The following PTPRK variants were observed in gnomAD, a reference collection of about 807,000 sequenced individuals.
PTPRK encodes the protein receptor-type tyrosine-protein phosphatase kappa.
PTPRK carries 75 observed loss-of-function variants against 178.0 expected under a neutral mutation model. The observed-to-expected ratio is 0.42, with a 90% CI of 0.35 to 0.51. PTPRK has a LOEUF of 0.51. PTPRK is among the 20% of genes least tolerant of loss of function. The pLI, the probability that PTPRK is intolerant of heterozygous loss-of-function variation, is 0.02. For missense variants in PTPRK, 1,441 were observed against 1,797.8 expected (o/e 0.80, Z 3.59); for synonymous variants, 637 against 620.6 (o/e 1.03, Z -0.39).
intron 2 of PTPRK, among the ~76,000 whole-genome samples, chr6:128,355,295 C>T (rs1015108716): frequency 2.0e-5 from 3 of 152,012 alleles, no homozygotes; most frequent in Non-Finnish European, 2.9e-5. Context: ...TATCAAATTA[C>T]CAAAAAATAA....
At position 128,485,756 on chromosome 6, in the gene PTPRK, C is replaced by G. The variant is rs141862029; in HGVS notation, c.100+34503G>C. Among the ~76,000 whole-genome samples the G allele has an allele frequency of 4.4e-3, 668 of 152,178 alleles. 2 individuals are homozygous for G. Among genetic ancestry groups the G allele is most frequent in the Non-Finnish European group, 8.1e-3 (551 of 68,016 alleles). ...GGAGAAGAGGGATGTTGACAAGTTC[C>G]AAGAATAAACAGAATGGAGCTTCTG... On this transcript the variant is annotated intron_variant, in intron 1 of 29. Coordinates refer to ENST00000368226, the MANE Select transcript of PTPRK (RefSeq NM_002844.4).
chr6:128,268,783 G>A (rs926683944), intron 3 of PTPRK, among the ~76,000 whole-genome samples: 2 of 151,890 alleles, frequency 1.3e-5, no homozygotes, highest in Non-Finnish European at 2.9e-5. Flanking sequence ...GCCATCTAAA[G>A]TAAAATACTT....
At chr6:128,093,441 A>C (rs1271659396) in intron 7 of PTPRK, among the ~76,000 whole-genome samples, 1 of 151,556 alleles carries the variant, frequency 6.6e-6, no homozygotes. Context: ...TAAAAATACA[A>C]AAAATTAGCC....
chr6:128,073,357 C>A (rs1401512258), intron 11 of PTPRK, among the ~76,000 whole-genome samples: 1 of 151,920 alleles, frequency 6.6e-6, no homozygotes, highest in African/African-American at 2.4e-5. Context: ...GGGATAAGTG[C>A]TCTAGAGAAA....
intron 1 of PTPRK, among the ~76,000 whole-genome samples, chr6:128,493,517 G>C (rs187406828): frequency 9.3e-5 from 14 of 150,702 alleles, no homozygotes; most frequent in African/African-American, 2.2e-4. Context: ...AGCCGAGATC[G>C]TGCCACTGCG....
intron 7 of PTPRK, among the ~76,000 whole-genome samples, chr6:128,133,691 T>C (rs1319780659): frequency 6.6e-6 from 1 of 151,342 alleles, no homozygotes; most frequent in African/African-American, 2.4e-5. Context: ...CATAGCTATC[T>C]GAATGAAATA....
At chr6:128,008,041 C>A (rs759356261) in intron 14 of PTPRK, 1 of 1,342,420 alleles carries the variant, frequency 7.4e-7, no homozygotes, top group Non-Finnish European at 1.0e-6. Flanking sequence ...CACTATAATG[C>A]ATACCTAATG....
chr6:128,309,293 T>C (rs576854941), intron 3 of PTPRK, among the ~76,000 whole-genome samples: 35 of 152,152 alleles, frequency 2.3e-4, no homozygotes, highest in Admixed American at 1.1e-3. Context: ...CTTTTCCTAA[T>C]AGGGACATGG....
At chr6:128,040,981 A>C (rs1777065865) in intron 13 of PTPRK, among the ~76,000 whole-genome samples, 1 of 152,098 alleles carries the variant, frequency 6.6e-6, no homozygotes, top group African/African-American at 2.4e-5. Flanking sequence ...TTGGGGTAAA[A>C]TTCATTTTCT....
chr6:128,412,565 C>T (rs745954104), intron 1 of PTPRK, among the ~76,000 whole-genome samples: 14 of 152,168 alleles, frequency 9.2e-5, no homozygotes, highest in Non-Finnish European at 1.9e-4. Flanking sequence ...CAGGTATCAC[C>T]AAGTCGAAAA....
rs1317543723 is a variant in PTPRK, at chr6:128,397,662, C to G, written c.127G>C (p.Gly43Arg). The stretch of plus-strand genomic sequence containing the variant: ...AGATCCTGGTGGTAATCACAGGCCC[C>G]TGGACCATCATCAAAAGTACAGCCA... The part of the protein sequence containing the change: ...AGGCTFDDGP[G>R]ACDYHQDLYD... The change falls in exon 2 of 30, where the codon GGG becomes CGG. Residue 43 changes from glycine (G) to arginine (R), a missense_variant. This residue lies in a region of PTPRK where 158 missense variants were observed against 188.0 expected (regional missense o/e 0.84). Coordinates refer to ENST00000368226, the MANE Select transcript of PTPRK (RefSeq NM_002844.4). 1 of 1,613,260 alleles carries G rather than the reference C, an allele frequency of 6.2e-7. No homozygotes were observed. Among genetic ancestry groups the G allele is most frequent in the African/African-American group, 1.3e-5 (1 of 74,946 alleles).
chr6:128,018,959 T>C (rs151028830), intron 13 of PTPRK, among the ~76,000 whole-genome samples: 1 of 152,202 alleles, frequency 6.6e-6, no homozygotes, highest in East Asian at 1.9e-4. Flanking sequence ...AGAGAGCGTA[T>C]AAACTAGAAG....
At chr6:128,244,742 T>C (rs1202516018) in intron 3 of PTPRK, among the ~76,000 whole-genome samples, 1 of 152,148 alleles carries the variant, frequency 6.6e-6, no homozygotes, top group Non-Finnish European at 1.5e-5. Context: ...TGAAAACCTC[T>C]AGTAGGAGGA....
chr6:128,250,965 T>C (rs575833319), intron 3 of PTPRK, among the ~76,000 whole-genome samples: 1 of 152,152 alleles, frequency 6.6e-6, no homozygotes, highest in Non-Finnish European at 1.5e-5. Flanking sequence ...CAGCAAATAT[T>C]AGAGAAAAGG....
chr6:128,109,910 G>A (rs767874171), intron 7 of PTPRK, among the ~76,000 whole-genome samples: 7 of 151,878 alleles, frequency 4.6e-5, no homozygotes, highest in East Asian at 3.9e-4. Context: ...TACTTTTTTG[G>A]GGGGGGAGGA....
intron 2 of PTPRK, among the ~76,000 whole-genome samples, chr6:128,396,280 T>C (rs1171827337): frequency 6.7e-6 from 1 of 149,482 alleles, no homozygotes; most frequent in Non-Finnish European, 1.5e-5. Context: ...ACCTAAATTA[T>C]TAGTACTAAG....
chr6:128,142,583 TCA>T (rs1361693832), intron 7 of PTPRK, among the ~76,000 whole-genome samples: 1 of 151,212 alleles, frequency 6.6e-6, no homozygotes, highest in Non-Finnish European at 1.5e-5. Context: ...CGTGTGGTTT[TCA>T]CAGACATGTC....
At chr6:128,395,059 T>G (rs1840109792) in intron 2 of PTPRK, among the ~76,000 whole-genome samples, 1 of 152,204 alleles carries the variant, frequency 6.6e-6, no homozygotes, top group South Asian at 2.1e-4. Context: ...CTTGCTAATT[T>G]ATGTGACAAT....
chr6:128,340,231 A>G (rs1298641098), intron 2 of PTPRK, among the ~76,000 whole-genome samples: 1 of 152,206 alleles, frequency 6.6e-6, no homozygotes, highest in Non-Finnish European at 1.5e-5. Flanking sequence ...TCTCTATCAA[A>G]TTTTTAAAAA....
Sources: gnomAD v4.1 joint callset for allele counts (sites outside exome capture counted in the v4.1 genomes callset) on GRCh38, gnomAD v4.1.1 for gene constraint, gnomAD v4.1.1 regional missense constraint, MANE v1.5 for transcripts, NCBI Gene and HGNC (gene_info 2026-07-23, HGNC 2026-07-21) for gene names.